The following RBFOX1 variants were observed in gnomAD, a reference collection of about 807,000 sequenced individuals.
RBFOX1 encodes the protein RNA binding fox-1 homolog 1, also known as RNA binding protein fox-1 homolog 1.
Under a neutral mutation model 57.7 loss-of-function variants are expected in RBFOX1, and 8 were observed. The observed-to-expected ratio is 0.14, with a 90% CI of 0.08 to 0.25. The LOEUF (loss-of-function observed/expected upper bound fraction) is 0.25. RBFOX1 is among the 10% of genes least tolerant of loss of function. RBFOX1 has a pLI of 1.00. For missense variants in RBFOX1, 611 were observed against 548.5 expected (o/e 1.11, Z -1.14); for synonymous variants, 326 against 222.4 (o/e 1.47, Z -4.15).
chr16:5,974,127 T>C (rs2060014960), intron 4 of RBFOX1, among the ~76,000 whole-genome samples: 1 of 152,220 alleles, frequency 6.6e-6, no homozygotes, highest in African/African-American at 2.4e-5. Flanking sequence ...AATACATTCT[T>C]AACCATTGTT....
intron 4 of RBFOX1, among the ~76,000 whole-genome samples, chr16:5,929,192 T>C (rs2058997232): frequency 6.6e-6 from 1 of 152,116 alleles, no homozygotes; most frequent in Non-Finnish European, 1.5e-5. Context: ...TACCTCCTGG[T>C]GGGCCTTCTC....
intron 1 of RBFOX1, among the ~76,000 whole-genome samples, chr16:6,208,224 C>T: frequency 6.6e-6 from 1 of 151,814 alleles, no homozygotes; most frequent in East Asian, 1.9e-4. Context: ...ATACTGATTA[C>T]TGATAATGAG....
intron 3 of RBFOX1, among the ~76,000 whole-genome samples, chr16:6,986,410 G>A (rs903933743): frequency 4.6e-5 from 7 of 151,936 alleles, no homozygotes; most frequent in African/African-American, 1.7e-4. Flanking sequence ...TGTTGGCCAG[G>A]CTGGTCTGGA....
intron 2 of RBFOX1, among the ~76,000 whole-genome samples, chr16:5,487,389 C>A (rs902409753): frequency 6.6e-6 from 1 of 152,056 alleles, no homozygotes; most frequent in Admixed American, 6.5e-5. Flanking sequence ...AAGAGGGAAC[C>A]AAAGATGATG....
At chr16:6,786,221 G>T (rs1225392141) in intron 3 of RBFOX1, among the ~76,000 whole-genome samples, 1 of 152,168 alleles carries the variant, frequency 6.6e-6, no homozygotes, top group Non-Finnish European at 1.5e-5. Context: ...TATGTCAGAA[G>T]AGGGTCAGAA....
chr16:6,985,369 G>A lies in RBFOX1; in HGVS notation c.-15-66688G>A, dbSNP rs149943723. On this transcript the variant is annotated intron_variant, in intron 3 of 15. Coordinates refer to ENST00000550418, the MANE Select transcript of RBFOX1 (RefSeq NM_018723.4). ...ACACATACATACACAAAAGATATATGGTCTTATAAATAGGTATGGCTGGAC... is the reference window on the plus strand; with the variant it reads ...ACACATACATACACAAAAGATATATAGTCTTATAAATAGGTATGGCTGGAC... 2.2e-3 allele frequency among the ~76,000 whole-genome samples: 334 copies of A among 152,206 alleles called. 1 individual carries two copies. Among genetic ancestry groups the A allele is most frequent in the African/African-American group, 7.8e-3 (324 of 41,546 alleles).
chr16:6,340,177 G>C (rs1474764521), intron 2 of RBFOX1, among the ~76,000 whole-genome samples: 1 of 152,130 alleles, frequency 6.6e-6, no homozygotes, highest in Non-Finnish European at 1.5e-5. Context: ...TGGCTTCAGT[G>C]CTAACAAGAG....
intron 1 of RBFOX1, among the ~76,000 whole-genome samples, chr16:6,040,494 A>G (rs1005802223): frequency 3.9e-5 from 6 of 152,170 alleles, no homozygotes; most frequent in Non-Finnish European, 7.4e-5. Context: ...TTTGCTTAGC[A>G]TCTTGTCCTC....
chr16:6,324,434 C>T (rs757240455), intron 2 of RBFOX1, among the ~76,000 whole-genome samples: 1 of 152,120 alleles, frequency 6.6e-6, no homozygotes, highest in African/African-American at 2.4e-5. Context: ...CTGGCATCTG[C>T]TCAGTTTTTG....
chr16:6,670,719 C>T (rs912021262), intron 3 of RBFOX1, among the ~76,000 whole-genome samples: 2 of 152,072 alleles, frequency 1.3e-5, no homozygotes, highest in South Asian at 2.1e-4. Flanking sequence ...TCCTTATGGC[C>T]GGGCACGGTG....
chr16:6,199,634 G>T (rs564073677), intron 1 of RBFOX1, among the ~76,000 whole-genome samples: 1 of 152,172 alleles, frequency 6.6e-6, no homozygotes, highest in African/African-American at 2.4e-5. Context: ...CTTACCTGAT[G>T]CAGATAATTT....
chr16:6,938,264 G>A (rs956631144), intron 3 of RBFOX1, among the ~76,000 whole-genome samples: 1 of 152,126 alleles, frequency 6.6e-6, no homozygotes, highest in African/African-American at 2.4e-5. Context: ...ATACAATAAT[G>A]CTGCGCAGAT....
chr16:6,343,449 C>G (rs1397361330), intron 2 of RBFOX1, among the ~76,000 whole-genome samples: 1 of 152,158 alleles, frequency 6.6e-6, no homozygotes, highest in Non-Finnish European at 1.5e-5. Flanking sequence ...CATTGAAGAA[C>G]TGAAGTGAGG....
At chr16:6,455,763 A>C (rs2094755975) in intron 2 of RBFOX1, among the ~76,000 whole-genome samples, 1 of 152,160 alleles carries the variant, frequency 6.6e-6, no homozygotes, top group Non-Finnish European at 1.5e-5. Context: ...ATTTGCTTTT[A>C]TTGTATGATT....
chr16:5,322,502 C>T (rs568127304), intron 1 of RBFOX1, among the ~76,000 whole-genome samples: 2 of 152,222 alleles, frequency 1.3e-5, no homozygotes, highest in African/African-American at 4.8e-5. Flanking sequence ...TGGCATCCGT[C>T]CTTTCTTGGG....
chr16:7,235,088 A>G (rs2093701891), intron 4 of RBFOX1, among the ~76,000 whole-genome samples: 1 of 152,220 alleles, frequency 6.6e-6, no homozygotes, highest in Non-Finnish European at 1.5e-5. Flanking sequence ...GGAAGAATGT[A>G]AAACAGAAAA....
intron 4 of RBFOX1, among the ~76,000 whole-genome samples, chr16:7,087,622 G>T (rs1480826222): frequency 6.6e-6 from 1 of 152,034 alleles, no homozygotes; most frequent in Non-Finnish European, 1.5e-5. Context: ...GAGGCAGCCA[G>T]AAGCAAGTCA....
intron 2 of RBFOX1, among the ~76,000 whole-genome samples, chr16:6,492,905 C>T (rs764408954): frequency 2.0e-5 from 3 of 152,174 alleles, no homozygotes; most frequent in Non-Finnish European, 4.4e-5. Context: ...GAGGGCAATA[C>T]TGCAAAAGAT....
intron 1 of RBFOX1, among the ~76,000 whole-genome samples, chr16:5,431,436 A>G (rs1171656384): frequency 6.6e-6 from 1 of 151,994 alleles, no homozygotes; most frequent in Non-Finnish European, 1.5e-5. Context: ...GTGCAGTGGC[A>G]TGATCTCGGC....
Sources: gnomAD v4.1 joint callset for allele counts (sites outside exome capture counted in the v4.1 genomes callset) on GRCh38, gnomAD v4.1.1 for gene constraint, MANE v1.5 for transcripts, NCBI Gene and HGNC (gene_info 2026-07-23, HGNC 2026-07-21) for gene names.